The following MRPL38 variants were observed in gnomAD, a reference collection of about 807,000 sequenced individuals.
MRPL38 encodes mitochondrial ribosomal protein L38.
Under a neutral mutation model 52.1 loss-of-function variants are expected in MRPL38, and 51 were observed. The observed-to-expected ratio is 0.98, with a 90% CI of 0.78 to 1.24. MRPL38 has a LOEUF of 1.24. MRPL38 is among the 50% of genes most tolerant of loss of function. The pLI, the probability that MRPL38 is intolerant of heterozygous loss-of-function variation, is 0.00. For missense variants in MRPL38, 527 were observed against 518.6 expected, an observed-to-expected ratio of 1.02 and a Z score of -0.16; for synonymous variants, 245 against 212.7, an observed-to-expected ratio of 1.15 and a Z score of -1.32.
At position 75,898,682 on chromosome 17, in the gene MRPL38, A is replaced by G; in HGVS notation, c.*168T>C. 1.4e-6 allele frequency: 1 copy of G among 716,596 alleles called. No homozygotes were observed. Among genetic ancestry groups the G allele is most frequent in the South Asian group, 1.9e-5 (1 of 53,280 alleles). The allele number at this position is 716,596 out of a possible 1,614,324, so 44.4% of individuals were successfully genotyped here. ...CATGTTTATTCACATTCCCCACCCC[A>G]CCACCTGAGAGTCACTTTCACTCCA... On this transcript the variant is annotated 3_prime_UTR_variant, in exon 9 of 9. Coordinates refer to ENST00000309352, the MANE Select transcript of MRPL38 (RefSeq NM_032478.4).
chr17:75,903,662 G>A (rs903353769), intron 2 of MRPL38, among the ~76,000 whole-genome samples: 29 of 149,176 alleles, frequency 1.9e-4, no homozygotes, highest in African/African-American at 6.6e-4. Context: ...AAATGCTAAA[G>A]AAAAGAAAAG....
chr17:75,900,981 C>G lies in MRPL38; in HGVS notation c.710+1G>C. The G allele has an allele frequency of 3.1e-6, 5 of 1,612,138 alleles. No individual in the cohort carries two copies. The highest frequency in any genetic ancestry group is 1.3e-5 in the African/African-American group (1 of 74,934). ...CCTACCCCCAGTACTCCAGTACTCA[C>G]AGCAGCCAGTGGAGGTACTCAGCAT... On this transcript the variant is annotated splice_donor_variant, in intron 6 of 8. Transcript: ENST00000309352. LOFTEE classifies it high-confidence loss of function.
rs907924496 is a variant in MRPL38 at position 75,904,667 on chromosome 17, G to A, written c.120C>T (p.Ile40=). 6.3e-7 allele frequency: 1 copy of A among 1,598,172 alleles called. No individual in the cohort carries two copies. The highest frequency in any genetic ancestry group is 2.2e-5 in the East Asian group (1 of 44,760). Residue 40 remains isoleucine (I), a synonymous_variant, in exon 2 of 9, where the codon ATC becomes ATT. Transcript: ENST00000309352. The part of the protein sequence containing the change: ...PPLGPMPNSD[I]DLSNLERLEK... Reference sequence around the variant, plus strand: ...CCAGCCGCTCCAGGTTGCTCAAGTCGATGTCACTGTTGGGCATCGGCCCCA... The same window carrying A: ...CCAGCCGCTCCAGGTTGCTCAAGTCAATGTCACTGTTGGGCATCGGCCCCA...
At chr17:75,904,770 G>GGGGGGCCCCC in intron 1 of MRPL38, 39 bp downstream of exon 1, 16 of 499,990 alleles carry the variant, frequency 3.2e-5, no homozygotes, top group South Asian at 5.7e-5. Flanking sequence ...TCGGGCGACA[G>GGGGGGCCCCC]CCCCCCCCCC....
Position 75,901,667 on chromosome 17 carries a change from T to C in MRPL38, c.591+45A>G, listed in dbSNP as rs2065404865. On this transcript the variant is annotated intron_variant, in intron 4 of 8. Transcript: ENST00000309352. The surrounding 1 kb of genome is among the most constrained non-coding windows in gnomAD (Gnocchi z 5.7). ...CTGTGACACTGAGATGGGATGTGTC[T>C]GTGTTTGCACAGGGCAGGGAGGAGG... 7 of 1,537,472 alleles carry C rather than the reference T, an allele frequency of 4.6e-6. No individual in the cohort carries two copies. The highest frequency in any genetic ancestry group is 6.3e-6 in the Non-Finnish European group (7 of 1,111,536).
At chr17:75,903,393 G>A (rs1047560762) in intron 2 of MRPL38, among the ~76,000 whole-genome samples, 4 of 152,198 alleles carry the variant, frequency 2.6e-5, no homozygotes, top group African/African-American at 4.8e-5. Flanking sequence ...GCAACAGAGC[G>A]AGCCTCTGCC....
chr17:75,898,646 C>T lies in MRPL38; in HGVS notation c.*204G>A, dbSNP rs1006504632. The T allele has an allele frequency of 8.3e-6, 5 of 602,456 alleles. No individual in the cohort carries two copies. The highest frequency in any genetic ancestry group is 2.9e-5 in the East Asian group (1 of 34,092). The allele number at this position is 602,456 out of a possible 1,614,324, so 37.3% of individuals were successfully genotyped here. On this transcript the variant is annotated 3_prime_UTR_variant, in exon 9 of 9. Transcript: ENST00000309352. ...AATTACAGGTGTGAGCCACCAAGCC[C>T]GGCAAGAAATCATGTTTATTCACAT...
At chr17:75,899,079 T>G in intron 8 of MRPL38, 79 bp downstream of exon 8, 1 of 1,538,054 alleles carries the variant, frequency 6.5e-7, no homozygotes, top group East Asian at 2.4e-5. Context: ...AGCCTTCCCC[T>G]AACAAAGCTT....
chr17:75,902,742 G>C (rs187969766), intron 2 of MRPL38, among the ~76,000 whole-genome samples: 4 of 152,298 alleles, frequency 2.6e-5, no homozygotes, highest in African/African-American at 9.6e-5. Context: ...TTTTCTTTGA[G>C]ACAGAATCTC....
rs1384086367 is a variant in MRPL38, at chr17:75,901,920, G to C, written c.383C>G (p.Ala128Gly). 4.4e-6 allele frequency: 7 copies of C among 1,597,338 alleles called. No homozygotes were observed. The highest frequency in any genetic ancestry group is 3.4e-5 in the Admixed American group (2 of 59,454). Residue 128 changes from alanine to glycine, a missense_variant and splice_region_variant, in exon 4 of 9, where the codon GCC (alanine) becomes GGC (glycine). Ala to Gly is a moderately conservative substitution (Grantham distance 60). Transcript: ENST00000309352. The surrounding 1 kb of genome is among the most constrained non-coding windows in gnomAD (Gnocchi z 5.7). The stretch of plus-strand genomic sequence containing the variant: ...CCGCACGGCATCCAGCGGGACACTG[G>C]CTAGACAGGAATAAGGCCAGTTGGG... Reference protein sequence around the residue: ...EEERAARLRTASVPLDAVRAE... With the variant: ...EEERAARLRTGSVPLDAVRAE...
At position 75,901,967 on chromosome 17, in the gene MRPL38, G is replaced by A; in HGVS notation, c.383-47C>T. The A allele has an allele frequency of 6.2e-7, 1 of 1,609,704 alleles. No individual in the cohort carries two copies. The highest frequency in any genetic ancestry group is 8.5e-7 in the Non-Finnish European group (1 of 1,177,062). ...TGGGATACGGGGGTGGGGGGGGCAGGGACACACCCTGTACCCCAACTCTGG... is the reference window on the plus strand; with the variant it reads ...TGGGATACGGGGGTGGGGGGGGCAGAGACACACCCTGTACCCCAACTCTGG... On this transcript the variant is annotated intron_variant, in intron 3 of 8. Coordinates refer to ENST00000309352, the MANE Select transcript of MRPL38 (RefSeq NM_032478.4). The surrounding 1 kb of genome is among the most constrained non-coding windows in gnomAD (Gnocchi z 5.7).
Position 75,904,685 on chromosome 17 carries a change from C to T in MRPL38, c.102G>A (p.Pro34=), listed in dbSNP as rs755337100. Residue 34 remains proline, a synonymous_variant, in exon 2 of 9, where the codon CCG becomes CCA. Coordinates refer to ENST00000309352, the MANE Select transcript of MRPL38 (RefSeq NM_032478.4). ...VLGRRTPPLG[P]MPNSDIDLSN... The stretch of plus-strand genomic sequence containing the variant: ...TCAAGTCGATGTCACTGTTGGGCAT[C>T]GGCCCCAGCGGGGGTGTCCGGCGGC... 1 of 1,592,950 alleles carries T rather than the reference C, an allele frequency of 6.3e-7. No homozygotes were observed. Among genetic ancestry groups the T allele is most frequent in the Non-Finnish European group, 8.5e-7 (1 of 1,176,540 alleles).
At position 75,901,864 on chromosome 17, in the gene MRPL38, G is replaced by C; in HGVS notation, c.439C>G (p.His147Asp). 3 of 1,612,980 alleles carry C rather than the reference G, an allele frequency of 1.9e-6. No individual in the cohort carries two copies. Among genetic ancestry groups the C allele is most frequent in the Non-Finnish European group, 2.5e-6 (3 of 1,179,782 alleles). Residue 147 changes from histidine (H) to aspartate (D), a missense_variant, in exon 4 of 9, where the codon CAC becomes GAC. Transcript: ENST00000309352. The surrounding 1 kb of genome is among the most constrained non-coding windows in gnomAD (Gnocchi z 5.7). Reference protein sequence around the residue: ...AEWERTCGPYHKQRLAEYYGL... With the variant: ...AEWERTCGPYDKQRLAEYYGL... The stretch of plus-strand genomic sequence containing the variant: ...TAATACTCAGCCAGACGCTGCTTGT[G>C]GTAGGGGCCACAGGTCCTCTCCCAC...
chr17:75,904,636 A>T lies in MRPL38; in HGVS notation c.151T>A (p.Tyr51Asn). 6.3e-7 allele frequency: 1 copy of T among 1,595,264 alleles called. No individual in the cohort carries two copies. The highest frequency in any genetic ancestry group is 8.5e-7 in the Non-Finnish European group (1 of 1,177,860). The change falls in exon 2 of 9, where the codon TAC (tyrosine) becomes AAC (asparagine). Residue 51 changes from tyrosine (Y) to asparagine (N), a missense_variant. Physicochemically the swap from Tyr to Asn is moderately radical, Grantham distance 143 (BLOSUM62 -2). Transcript: ENST00000309352. The part of the protein sequence containing the change: ...DLSNLERLEK[Y>N]RSFDRYRRRA... Reference sequence around the variant, plus strand: ...CGCCGGTAGCGGTCGAAGCTCCGGTACTTCTCCAGCCGCTCCAGGTTGCTC... The same window carrying T: ...CGCCGGTAGCGGTCGAAGCTCCGGTTCTTCTCCAGCCGCTCCAGGTTGCTC...
rs2065387627 is a variant in MRPL38, at chr17:75,898,742, G to A, written c.*108C>T. On this transcript the variant is annotated 3_prime_UTR_variant, in exon 9 of 9. Transcript: ENST00000309352. ...CCTGACGGGAGGGGGCCAAAGAGGGGGGCTGCCTAAGGCAGGGCCCAGACC... is the reference window on the plus strand; with the variant it reads ...CCTGACGGGAGGGGGCCAAAGAGGGAGGCTGCCTAAGGCAGGGCCCAGACC... 1.4e-6 allele frequency: 2 copies of A among 1,401,284 alleles called. No homozygotes were observed. Among genetic ancestry groups the A allele is most frequent in the Non-Finnish European group, 2.0e-6 (2 of 1,024,032 alleles). The allele number at this position is 1,401,284 out of a possible 1,614,324, so 86.8% of individuals were successfully genotyped here.
chr17:75,899,994 T>G, intron 6 of MRPL38: 3 of 203,096 alleles, frequency 1.5e-5, no homozygotes, highest in African/African-American at 2.3e-5. Context: ...CAGGCCACTT[T>G]TGGCTGCTTT....
intron 1 of MRPL38, 39 bp downstream of exon 1, chr17:75,904,770 G>GGCGCCCC: frequency 2.0e-6 from 1 of 500,008 alleles, no homozygotes; most frequent in Non-Finnish European, 2.8e-6. Flanking sequence ...TCGGGCGACA[G>GGCGCCCC]CCCCCCCCCC....
At position 75,904,621 on chromosome 17, in the gene MRPL38, G is replaced by T; in HGVS notation, c.166C>A (p.Arg56Ser). Residue 56 changes from arginine to serine, a missense_variant, in exon 2 of 9, where the codon CGC (arginine) becomes AGC (serine). Physicochemically the swap from Arg to Ser is moderately radical, Grantham distance 110. Coordinates refer to ENST00000309352, the MANE Select transcript of MRPL38 (RefSeq NM_032478.4). The stretch of plus-strand genomic sequence containing the variant: ...TCCTGCTCTGCTCGGCGCCGGTAGC[G>T]GTCGAAGCTCCGGTACTTCTCCAGC... Reference protein sequence around the residue: ...ERLEKYRSFDRYRRRAEQEAQ... With the variant: ...ERLEKYRSFDSYRRRAEQEAQ... 6.3e-7 allele frequency: 1 copy of T among 1,594,320 alleles called. No individual in the cohort carries two copies. The highest frequency in any genetic ancestry group is 8.5e-7 in the Non-Finnish European group (1 of 1,177,442).
intron 2 of MRPL38, among the ~76,000 whole-genome samples, chr17:75,903,871 G>A (rs2065416223): frequency 6.6e-6 from 1 of 152,076 alleles, no homozygotes; most frequent in Non-Finnish European, 1.5e-5. Context: ...TGGGATTACA[G>A]GCATGCGACA....
Sources: gnomAD v4.1 joint callset for allele counts (sites outside exome capture counted in the v4.1 genomes callset) on GRCh38, gnomAD v4.1.1 for gene constraint, Gnocchi (gnomAD v3.1) non-coding constraint, MANE v1.5 for transcripts, NCBI Gene and HGNC (gene_info 2026-07-23, HGNC 2026-07-21) for gene names.